Variants in TAB2 observed in about 807,000 individuals in gnomAD.
The protein encoded by TAB2 is TGF-beta-activated kinase 1 and MAP3K7-binding protein 2.
Under a neutral mutation model 65.0 loss-of-function variants are expected in TAB2, and 3 were observed. The ratio of observed to expected loss-of-function variants is 0.05; its 90% CI spans 0.02 to 0.12. TAB2 has a LOEUF of 0.12. Among genes scored for constraint, TAB2 ranks in the 10% least tolerant of loss-of-function variants. The probability of loss-of-function intolerance (pLI) is 1.00; values close to 1 mark genes in which losing one functional copy is unlikely to be tolerated. For missense variants in TAB2, 623 were observed against 840.3 expected (o/e 0.74, Z 3.20); for synonymous variants, 298 against 285.1 (o/e 1.05, Z -0.46).
chr6:149,400,840 A>G (rs1562454592), intron 6 of TAB2: 8 of 764,750 alleles, frequency 1.0e-5, no homozygotes, highest in Non-Finnish European at 1.7e-5. Context: ...TTTATTATAC[A>G]TGAAGTAACT....
At chr6:149,234,747 C>G (rs978990686) in intron 1 of TAB2, among the ~76,000 whole-genome samples, 4 of 151,392 alleles carry the variant, frequency 2.6e-5, no homozygotes, top group African/African-American at 9.7e-5. Context: ...AGGGAGTTCC[C>G]TGGGTTGTGT....
chr6:149,329,552 A>G (rs866585993), intron 1 of TAB2, among the ~76,000 whole-genome samples: 6 of 152,020 alleles, frequency 3.9e-5, no homozygotes, highest in African/African-American at 9.7e-5. Flanking sequence ...TCTTGATTAG[A>G]TAACATTTGA....
intron 1 of TAB2, among the ~76,000 whole-genome samples, chr6:149,348,960 T>TC (rs1191929681): frequency 6.7e-6 from 1 of 149,486 alleles, no homozygotes; most frequent in Admixed American, 6.7e-5. Flanking sequence ...AGAGCAAAAC[T>TC]CCATCTCAAA....
intron 1 of TAB2, among the ~76,000 whole-genome samples, chr6:149,360,473 C>T (rs1384464155): frequency 6.6e-6 from 1 of 152,162 alleles, no homozygotes; most frequent in African/African-American, 2.4e-5. Context: ...ACAACTCAAT[C>T]ATGAGAACAG....
chr6:149,389,095 A>G (rs1781897547), intron 3 of TAB2, among the ~76,000 whole-genome samples: 2 of 151,530 alleles, frequency 1.3e-5, no homozygotes, highest in South Asian at 2.1e-4. Flanking sequence ...AGCTGGGACT[A>G]CAGGCATGCA....
chr6:149,383,104 G>A (rs12196656), intron 3 of TAB2, among the ~76,000 whole-genome samples: 35,839 of 151,822 alleles, frequency 0.24, 4,425 homozygotes, highest in Non-Finnish European at 0.26. Flanking sequence ...GCAGTGAGCC[G>A]AGTTTGTACC....
At chr6:149,235,385 G>A (rs1422766930) in intron 1 of TAB2, among the ~76,000 whole-genome samples, 1 of 152,220 alleles carries the variant, frequency 6.6e-6, no homozygotes, top group East Asian at 1.9e-4. Context: ...AATCTTGGGA[G>A]GAACGTGATA....
At chr6:149,296,495 G>A (rs1252826341) in intron 1 of TAB2, among the ~76,000 whole-genome samples, 1 of 152,050 alleles carries the variant, frequency 6.6e-6, no homozygotes, top group African/African-American at 2.4e-5. Flanking sequence ...TTACTGTCTT[G>A]TCATCTCTTC....
At chr6:149,352,570 A>G (rs887824096) in intron 1 of TAB2, among the ~76,000 whole-genome samples, 7 of 152,114 alleles carry the variant, frequency 4.6e-5, no homozygotes, top group African/African-American at 7.2e-5. Context: ...TCCTTCCTTA[A>G]ATCAATACTT....
chr6:149,392,790 T>C (rs968970810), intron 3 of TAB2, among the ~76,000 whole-genome samples: 2 of 152,214 alleles, frequency 1.3e-5, no homozygotes, highest in Middle Eastern at 3.2e-3. Flanking sequence ...GACAGAAGAT[T>C]TTTTCATTTA....
chr6:149,284,238 A>G (rs1366468104), intron 1 of TAB2, among the ~76,000 whole-genome samples: 1 of 152,058 alleles, frequency 6.6e-6, no homozygotes, highest in Non-Finnish European at 1.5e-5. Flanking sequence ...TGTCCCCCAC[A>G]TACCCAGCCT....
At chr6:149,357,846 T>C (rs1405304064) in intron 1 of TAB2, among the ~76,000 whole-genome samples, 1 of 152,004 alleles carries the variant, frequency 6.6e-6, no homozygotes, top group Non-Finnish European at 1.5e-5. Context: ...ATTACAGGCA[T>C]CCACCCCTAC....
At position 149,377,881 on chromosome 6, in the gene TAB2, A is replaced by G. The variant is rs550525709; in HGVS notation, c.103-137A>G. ...TTAATTCAATCATTTGCATAAAAAAACTTCTCAAATTTAAATATCCAAATA... is the reference window on the plus strand; with the variant it reads ...TTAATTCAATCATTTGCATAAAAAAGCTTCTCAAATTTAAATATCCAAATA... On this transcript the variant is annotated intron_variant, in intron 2 of 6. Coordinates refer to ENST00000637181, the MANE Select transcript of TAB2 (RefSeq NM_001292034.3). 7 of 718,880 alleles carry G rather than the reference A, an allele frequency of 9.7e-6. No homozygotes were observed. In the African/African-American group the frequency reaches 1.2e-4, roughly 13 times the overall value. 44.5% of individuals were successfully genotyped at this position (718,880 alleles called of 1,614,324 possible).
At chr6:149,395,566 C>A (rs993293217) in intron 3 of TAB2, among the ~76,000 whole-genome samples, 2 of 152,184 alleles carry the variant, frequency 1.3e-5, no homozygotes, top group African/African-American at 4.8e-5. Flanking sequence ...CCTTCAAGAC[C>A]TTAGAATACT....
chr6:149,362,008 A>G (rs1780868499), intron 1 of TAB2, among the ~76,000 whole-genome samples: 1 of 152,200 alleles, frequency 6.6e-6, no homozygotes, highest in South Asian at 2.1e-4. Context: ...CCATATCACT[A>G]TCAAGATTTT....
Position 149,410,340 on chromosome 6 carries a change from C to G in TAB2, c.*621C>G, listed in dbSNP as rs7896. On this transcript the variant is annotated 3_prime_UTR_variant, in exon 7 of 7. Coordinates refer to ENST00000637181, the MANE Select transcript of TAB2 (RefSeq NM_001292034.3). ...TGTACAAATGTGCAGCGAAATACCCCAAAGCTTTTCCTACTGTACAGATCT... is the reference window on the plus strand; with the variant it reads ...TGTACAAATGTGCAGCGAAATACCCGAAAGCTTTTCCTACTGTACAGATCT... 36,586 of 155,682 alleles carry G rather than the reference C, an allele frequency of 0.24. 4,519 individuals are homozygous for G. Among genetic ancestry groups the G allele is most frequent in the Non-Finnish European group, 0.26 (18,101 of 70,086 alleles). 9.6% of individuals were successfully genotyped at this position (155,682 alleles called of 1,614,324 possible). A position where few individuals can be genotyped will look rare whatever the true frequency, so the allele number is the denominator to read the frequency against.
intron 1 of TAB2, among the ~76,000 whole-genome samples, chr6:149,288,142 A>T (rs1224482363): frequency 6.6e-6 from 1 of 152,280 alleles, no homozygotes; most frequent in South Asian, 2.1e-4. Flanking sequence ...AATGCTCAAG[A>T]CACTTTACAA....
At chr6:149,282,951 G>C (rs1199941355) in intron 1 of TAB2, among the ~76,000 whole-genome samples, 2 of 152,054 alleles carry the variant, frequency 1.3e-5, no homozygotes, top group African/African-American at 4.8e-5. Context: ...ACAACTGGCT[G>C]GGACAGCTTA....
chr6:149,275,040 A>G (rs6899998), intron 1 of TAB2, among the ~76,000 whole-genome samples: 71,922 of 146,100 alleles, frequency 0.49, 18,901 homozygotes, highest in East Asian at 0.69. Context: ...GCTTAGAGTT[A>G]GATGAAGAAA....
Sources: allele counts gnomAD v4.1 joint callset (sites outside exome capture counted in the v4.1 genomes callset), GRCh38; gene constraint gnomAD v4.1.1; transcripts MANE v1.5; gene names NCBI Gene and HGNC (gene_info 2026-07-23, HGNC 2026-07-21).